METTL15: variants seen among roughly 807,000 people sequenced by gnomAD.
The protein encoded by METTL15 is methyltransferase 15, mitochondrial 12S rRNA N4-cytidine.
METTL15 carries 34 observed loss-of-function variants against 38.3 expected under a neutral mutation model. The ratio of observed to expected loss-of-function variants is 0.89; its 90% confidence interval spans 0.68 to 1.18. The LOEUF is 1.18. Ranked by LOEUF, METTL15 falls within the 50% of genes most tolerant of loss-of-function variation. The probability of loss-of-function intolerance (pLI) is 0.00; values close to 1 mark genes in which losing one functional copy is unlikely to be tolerated. For missense variants in METTL15, 438 were observed against 498.4 expected (o/e 0.88, Z 1.15); for synonymous variants, 162 against 170.9 (o/e 0.95, Z 0.41).
At chr11:28,430,907 G>T (rs1590372191) in intron 6 of METTL15, among the ~76,000 whole-genome samples, 1 of 116,938 alleles carries the variant, frequency 8.6e-6, no homozygotes, top group South Asian at 2.9e-4. Flanking sequence ...GAGGTGGGGG[G>T]GTCAGCCCCC....
At chr11:28,366,405 G>C (rs748433001) in intron 5 of METTL15, among the ~76,000 whole-genome samples, 6 of 152,114 alleles carry the variant, frequency 3.9e-5, no homozygotes, top group Non-Finnish European at 8.8e-5. Context: ...CCTCAAGTAA[G>C]CTTGATTCTC....
chr11:28,494,303 C>T (rs1162590750), intron 6 of METTL15, among the ~76,000 whole-genome samples: 1 of 152,152 alleles, frequency 6.6e-6, no homozygotes, highest in Non-Finnish European at 1.5e-5. Flanking sequence ...ACCTCTTGAG[C>T]TGTTAAAGGT....
chr11:28,236,101 G>T (rs1038259154), intron 4 of METTL15, among the ~76,000 whole-genome samples: 2 of 152,064 alleles, frequency 1.3e-5, no homozygotes, highest in Non-Finnish European at 1.5e-5. Context: ...GTATATGCTG[G>T]ATTACATTTA....
At chr11:28,168,049 AT>A (rs1389472390) in intron 3 of METTL15, among the ~76,000 whole-genome samples, 2 of 152,080 alleles carry the variant, frequency 1.3e-5, no homozygotes, top group Non-Finnish European at 2.9e-5. Context: ...CATTATTTTT[AT>A]ATACATTTAG....
At chr11:28,180,366 A>G (rs1377517691) in intron 3 of METTL15, among the ~76,000 whole-genome samples, 1 of 151,770 alleles carries the variant, frequency 6.6e-6, no homozygotes, top group Non-Finnish European at 1.5e-5. Flanking sequence ...AATCTGGCCA[A>G]TTTTGTTGTG....
intron 4 of METTL15, among the ~76,000 whole-genome samples, chr11:28,230,585 T>A (rs1853646804): frequency 6.6e-6 from 1 of 151,896 alleles, no homozygotes; most frequent in Admixed American, 6.6e-5. Context: ...TATGAGAAAA[T>A]TTTAGTAGAA....
chr11:28,147,152 ATATT>A (rs1849916340), intron 3 of METTL15, among the ~76,000 whole-genome samples: 1 of 152,020 alleles, frequency 6.6e-6, no homozygotes, highest in Admixed American at 6.6e-5. Context: ...CACTTTATAT[ATATT>A]ATTTTTCTAA....
Position 28,220,874 on chromosome 11 carries a change from A to G in METTL15, c.407+9676A>G, listed in dbSNP as rs574187760. On this transcript the variant is annotated intron_variant, in intron 4 of 6. Coordinates refer to ENST00000407364, the MANE Select transcript of METTL15 (RefSeq NM_001113528.2). Reference sequence around the variant, plus strand: ...GGATTGAAAATTGTTTTCTTTAAGAATGTTGAATATTGGCCCCCACTCTCT... The same window carrying G: ...GGATTGAAAATTGTTTTCTTTAAGAGTGTTGAATATTGGCCCCCACTCTCT... 2.0e-5 allele frequency among the ~76,000 whole-genome samples: 3 copies of G among 152,330 alleles called. No homozygotes were observed. The East Asian group carries it at 5.8e-4, about 29-fold the overall frequency.
chr11:28,237,324 C>A (rs927083817), intron 4 of METTL15, among the ~76,000 whole-genome samples: 3 of 152,040 alleles, frequency 2.0e-5, no homozygotes, highest in African/African-American at 7.2e-5. Context: ...TTTCTCTAAA[C>A]TTCCCTTCTC....
intron 3 of METTL15, among the ~76,000 whole-genome samples, chr11:28,160,816 A>G (rs985503282): frequency 6.6e-6 from 1 of 152,152 alleles, no homozygotes; most frequent in Admixed American, 6.5e-5. Flanking sequence ...AACCAAGAGT[A>G]AAATTTTCAT....
chr11:28,283,965 G>A (rs2133977882), intron 4 of METTL15, among the ~76,000 whole-genome samples: 1 of 152,238 alleles, frequency 6.6e-6, no homozygotes, highest in South Asian at 2.1e-4. Context: ...CAATGGAAGG[G>A]GAGTGGGTGA....
At chr11:28,511,715 C>G (rs755661981) in intron 6 of METTL15, among the ~76,000 whole-genome samples, 1 of 152,106 alleles carries the variant, frequency 6.6e-6, no homozygotes, top group Admixed American at 6.5e-5. Context: ...CAGACCTTTG[C>G]GGTGAGTGTT....
intron 3 of METTL15, chr11:28,144,914 T>C (rs770897760): frequency 5.8e-6 from 1 of 171,452 alleles, no homozygotes; most frequent in African/African-American, 2.4e-5. Flanking sequence ...TAGGCAATGG[T>C]GCAATGCTTA....
intron 6 of METTL15, among the ~76,000 whole-genome samples, chr11:28,484,849 AC>A (rs138237733): frequency 0.088 from 13,442 of 152,110 alleles, 858 homozygotes; most frequent in Non-Finnish European, 0.13. Context: ...GGGTTTCTAA[AC>A]AGTCTGGCCG....
rs34011846 is a variant in METTL15, at chr11:28,198,982, A to ATT, written c.271-12067_271-12066dup. On this transcript the variant is annotated intron_variant, in intron 3 of 6. Transcript: ENST00000407364. ...GGGGCATTATGAACTCTTTTTAGTGATTTTTTTTTTTTTTAATGTCCAAAT... is the reference window on the plus strand; with the variant it reads ...GGGGCATTATGAACTCTTTTTAGTGATTTTTTTTTTTTTTTTAATGTCCAAAT... Among the ~76,000 whole-genome samples, 282 of 146,154 alleles carry ATT rather than the reference A, an allele frequency of 1.9e-3. 1 individual carries two copies. Among genetic ancestry groups the ATT allele is most frequent in the East Asian group, 4.5e-3 (22 of 4,930 alleles).
At chr11:28,493,725 T>C (rs1851515116) in intron 6 of METTL15, among the ~76,000 whole-genome samples, 1 of 152,230 alleles carries the variant, frequency 6.6e-6, no homozygotes, top group African/African-American at 2.4e-5. Context: ...TGTATGGGTT[T>C]AGTTTGCATG....
In METTL15 at chr11:28,296,752, G is replaced by T; in HGVS notation, c.600-1G>T. ...AACTAATTGGCTCTTCTTGTGCGTAGGTACCCTGACATGCCCACTGCTGCT... is the reference window on the plus strand; with the variant it reads ...AACTAATTGGCTCTTCTTGTGCGTATGTACCCTGACATGCCCACTGCTGCT... On this transcript the variant is annotated splice_acceptor_variant, in intron 5 of 6. Transcript: ENST00000407364. LOFTEE classifies it high-confidence loss of function. 1 of 1,612,728 alleles carries T rather than the reference G, an allele frequency of 6.2e-7. No homozygotes were observed. Among genetic ancestry groups the T allele is most frequent in the Non-Finnish European group, 8.5e-7 (1 of 1,179,426 alleles).
At chr11:28,460,494 T>C (rs564298402) in intron 6 of METTL15, among the ~76,000 whole-genome samples, 5 of 151,994 alleles carry the variant, frequency 3.3e-5, no homozygotes, top group Admixed American at 3.3e-4. Context: ...AAAGGGAAAA[T>C]ATATGTTATA....
At chr11:28,134,486 A>T in intron 3 of METTL15, 1 of 398,254 alleles carries the variant, frequency 2.5e-6, no homozygotes, top group Non-Finnish European at 4.4e-6. Flanking sequence ...TTCTCCAGGG[A>T]TCCTTCTGGT....
Sources: allele counts gnomAD v4.1 joint callset (sites outside exome capture counted in the v4.1 genomes callset), GRCh38; gene constraint gnomAD v4.1.1; transcripts MANE v1.5; gene names NCBI Gene and HGNC (gene_info 2026-07-23, HGNC 2026-07-21).